Variants in USH2A observed in about 807,000 individuals in gnomAD.
USH2A encodes usherin.
USH2A carries 443 observed loss-of-function variants against 538.9 expected under a neutral mutation model. The observed-to-expected ratio is 0.82, with a 90% CI of 0.76 to 0.89. USH2A has a LOEUF of 0.89. USH2A is among the 40% of genes least tolerant of loss of function. The pLI, the probability that USH2A is intolerant of heterozygous loss-of-function variation, is 0.00. For synonymous variants in USH2A, 2,413 were observed against 2,273.5 expected, an observed-to-expected ratio of 1.06 and a Z score of -1.75; for missense variants, 6,633 against 6,324.8, an observed-to-expected ratio of 1.05 and a Z score of -1.65.
At chr1:216,307,699 C>G (rs555381160) in intron 9 of USH2A, among the ~76,000 whole-genome samples, 1 of 152,308 alleles carries the variant, frequency 6.6e-6, no homozygotes, top group Non-Finnish European at 1.5e-5. Flanking sequence ...TACCCAAGGA[C>G]CCTAGGAGAC....
At chr1:216,293,012 C>A (rs1571669772) in intron 9 of USH2A, among the ~76,000 whole-genome samples, 1 of 150,362 alleles carries the variant, frequency 6.7e-6, no homozygotes, top group East Asian at 2.0e-4. Flanking sequence ...TCACACTGAA[C>A]ACAAGCATCT....
chr1:215,682,726 G>A (rs993364872), intron 61 of USH2A, among the ~76,000 whole-genome samples: 13 of 146,200 alleles, frequency 8.9e-5, no homozygotes, highest in African/African-American at 2.0e-4. Flanking sequence ...TACAACAGTT[G>A]TTTTGCTTAA....
chr1:215,934,939 C>T (rs1666456840), intron 37 of USH2A, 144 bp from the exon 38 acceptor site: 2 of 726,218 alleles, frequency 2.8e-6, no homozygotes, highest in African/African-American at 1.8e-5. Flanking sequence ...ACATGTGCTT[C>T]TATCAATGCA....
chr1:215,654,668 A>C (rs1425926228), intron 64 of USH2A, among the ~76,000 whole-genome samples: 2 of 152,224 alleles, frequency 1.3e-5, no homozygotes, highest in Admixed American at 1.3e-4. Context: ...AACATAGATT[A>C]ACTACTTTTA....
chr1:216,002,617 T>C (rs1431983141), intron 32 of USH2A, among the ~76,000 whole-genome samples: 1 of 152,170 alleles, frequency 6.6e-6, no homozygotes, highest in Non-Finnish European at 1.5e-5. Flanking sequence ...AAATATATAA[T>C]AGCCATATCA....
At chr1:216,289,431 G>T in intron 10 of USH2A, 21 bp from the exon 11 acceptor site, 3 of 1,613,604 alleles carry the variant, frequency 1.9e-6, no homozygotes, top group Non-Finnish European at 2.5e-6. Context: ...GAAAGGTTAT[G>T]CATTATGACT....
chr1:216,338,298 T>G (rs1256819532), intron 4 of USH2A, among the ~76,000 whole-genome samples: 1 of 151,450 alleles, frequency 6.6e-6, no homozygotes, highest in Non-Finnish European at 1.5e-5. Flanking sequence ...AAACAAGATG[T>G]TAAACACACT....
chr1:215,640,999 G>T lies in USH2A; in HGVS notation c.14792-265C>A, dbSNP rs76387762. ...CTTTATGCCTGCTTTAAAAAAAATC[G>T]ATAGAGAGTGGTGTTTTATAAATAA... is the stretch of plus-strand genomic sequence containing the variant. On this transcript the variant is annotated intron_variant, in intron 67 of 71. Coordinates refer to ENST00000307340, the MANE Select transcript of USH2A (RefSeq NM_206933.4). Among the ~76,000 whole-genome samples, 116 of 152,004 alleles carry T rather than the reference G, an allele frequency of 7.6e-4. 1 individual carries two copies. The East Asian group carries it at 0.017, about 23-fold the overall frequency.
At chr1:216,245,605 G>C (rs764859683) in intron 13 of USH2A, among the ~76,000 whole-genome samples, 3 of 151,162 alleles carry the variant, frequency 2.0e-5, no homozygotes, top group Non-Finnish European at 4.4e-5. Flanking sequence ...GGAGTATCTA[G>C]TTATAATATA....
rs1483315139 is a variant in USH2A at position 216,246,864 on chromosome 1, A to G, written c.2530T>C (p.Cys844Arg). The change falls in exon 13 of 72, where the codon TGT becomes CGT. Residue 844 changes from cysteine (C) to arginine (R), a missense_variant. Coordinates refer to ENST00000307340, the MANE Select transcript of USH2A (RefSeq NM_206933.4). ...FYLRQNNSFL[C>R]LPCNCDKTGT... Reference sequence around the variant, plus strand: ...GTCTTATCACAGTTGCAAGGCAGACAGAGGAAAGAATTATTTTGCCGTAGG... The same window carrying G: ...GTCTTATCACAGTTGCAAGGCAGACGGAGGAAAGAATTATTTTGCCGTAGG... 1 of 1,614,168 alleles carries G rather than the reference A, an allele frequency of 6.2e-7. No individual in the cohort carries two copies. Among genetic ancestry groups the G allele is most frequent in the Admixed American group, 1.7e-5 (1 of 60,016 alleles).
intron 3 of USH2A, among the ~76,000 whole-genome samples, chr1:216,400,056 AAAG>A (rs1283636988): frequency 1.3e-5 from 2 of 152,158 alleles, no homozygotes; most frequent in African/African-American, 4.8e-5. Flanking sequence ...AACTTGAATG[AAAG>A]AAGAAGATCA....
In USH2A at chr1:216,056,679, C is replaced by G. The variant is rs148310492; in HGVS notation, c.6050-8032G>C. On this transcript the variant is annotated intron_variant, in intron 30 of 71. Transcript: ENST00000307340. ...ATTTATTACTGACACCTATTGCTTA[C>G]AAACAGAAATTAGAAGTCTTGTCCT... is the stretch of plus-strand genomic sequence containing the variant. Among the ~76,000 whole-genome samples, 453 of 152,222 alleles carry G rather than the reference C, an allele frequency of 3.0e-3. 5 individuals carry two copies. Among genetic ancestry groups the G allele is most frequent in the African/African-American group, 0.011 (445 of 41,536 alleles).
intron 30 of USH2A, among the ~76,000 whole-genome samples, chr1:216,061,177 T>A (rs2031167689): frequency 6.6e-6 from 1 of 152,196 alleles, no homozygotes; most frequent in African/African-American, 2.4e-5. Context: ...TTTATCTCAT[T>A]TAATCCTCTG....
chr1:215,728,001 A>G (rs1659877234), intron 61 of USH2A, 29 bp downstream of exon 61: 1 of 1,605,102 alleles, frequency 6.2e-7, no homozygotes, highest in South Asian at 1.1e-5. Context: ...GATAATCTGC[A>G]TGTCTGTTAC....
intron 32 of USH2A, among the ~76,000 whole-genome samples, chr1:216,027,615 GA>G (rs943908918): frequency 6.6e-6 from 1 of 152,122 alleles, no homozygotes; most frequent in African/African-American, 2.4e-5. Context: ...TGACTTGGAA[GA>G]AATGGCCCCC....
At chr1:216,220,048 G>C (rs747084811) in intron 14 of USH2A, among the ~76,000 whole-genome samples, 2 of 152,242 alleles carry the variant, frequency 1.3e-5, no homozygotes, top group Non-Finnish European at 2.9e-5. Context: ...GAAACAGTGA[G>C]AGAAATGGTT....
chr1:215,719,277 C>A (rs529880710), intron 61 of USH2A, among the ~76,000 whole-genome samples: 3 of 150,196 alleles, frequency 2.0e-5, no homozygotes, highest in African/African-American at 7.4e-5. Flanking sequence ...GTGGAAATCT[C>A]CTGAGGAGGG....
At chr1:215,991,993 A>C (rs1427013949) in intron 35 of USH2A, among the ~76,000 whole-genome samples, 1 of 152,222 alleles carries the variant, frequency 6.6e-6, no homozygotes, top group East Asian at 1.9e-4. Flanking sequence ...AATAACTTCA[A>C]TAGCAGAGAT....
intron 47 of USH2A, among the ~76,000 whole-genome samples, chr1:215,833,274 G>A (rs1249635356): frequency 6.6e-6 from 1 of 151,860 alleles, no homozygotes; most frequent in East Asian, 1.9e-4. Flanking sequence ...AAAGTTGGAG[G>A]ACTCATACAA....
Sources: gnomAD v4.1 joint callset for allele counts (sites outside exome capture counted in the v4.1 genomes callset) on GRCh38, gnomAD v4.1.1 for gene constraint, MANE v1.5 for transcripts, NCBI Gene and HGNC (gene_info 2026-07-23, HGNC 2026-07-21) for gene names.